The following FNBP1L variants were observed in gnomAD, a reference collection of about 807,000 sequenced individuals.
FNBP1L encodes formin binding protein 1 like.
In FNBP1L, 36 loss-of-function variants were observed where a neutral mutation model predicts 91.2. The ratio of observed to expected loss-of-function variants is 0.39; its 90% CI spans 0.30 to 0.52. The LOEUF is 0.52. Among genes scored for constraint, FNBP1L ranks in the 20% least tolerant of loss-of-function variants. The probability of loss-of-function intolerance (pLI) is 0.66; values close to 1 mark genes in which losing one functional copy is unlikely to be tolerated. For synonymous variants in FNBP1L, 242 were observed against 237.0 expected (o/e 1.02, Z -0.19); for missense variants, 571 against 732.1 (o/e 0.78, Z 2.54).
intron 10 of FNBP1L, 41 bp downstream of exon 10, chr1:93,536,531 T>G: frequency 6.7e-7 from 1 of 1,491,968 alleles, no homozygotes; most frequent in Non-Finnish European, 9.0e-7. Context: ...TGGCCTATTG[T>G]GTGTGTAGTG....
intron 7 of FNBP1L, among the ~76,000 whole-genome samples, chr1:93,532,712 G>A (rs2101760083): frequency 6.6e-6 from 1 of 152,062 alleles, no homozygotes; most frequent in East Asian, 1.9e-4. Context: ...ACAATACTAA[G>A]TGCCTTACTA....
chr1:93,504,579 C>T (rs764552869), intron 2 of FNBP1L, among the ~76,000 whole-genome samples: 16 of 152,184 alleles, frequency 1.1e-4, no homozygotes, highest in African/African-American at 2.2e-4. Context: ...TTCTGTGTCA[C>T]TCTTTTGTCC....
chr1:93,456,164 G>A (rs1271462619), intron 1 of FNBP1L, among the ~76,000 whole-genome samples: 1 of 152,056 alleles, frequency 6.6e-6, no homozygotes, highest in Non-Finnish European at 1.5e-5. Context: ...TCTGTATGGA[G>A]CCCAAGAAAA....
At chr1:93,474,658 C>T (rs1201936558) in intron 1 of FNBP1L, among the ~76,000 whole-genome samples, 4 of 152,130 alleles carry the variant, frequency 2.6e-5, no homozygotes, top group African/African-American at 9.7e-5. Flanking sequence ...AAAAATCCTA[C>T]CCAGGTTATT....
intron 5 of FNBP1L, among the ~76,000 whole-genome samples, chr1:93,525,476 TCAC>T (rs1671463855): frequency 6.6e-6 from 1 of 152,284 alleles, no homozygotes; most frequent in Admixed American, 6.5e-5. Flanking sequence ...CAGCAAGACT[TCAC>T]CAAGTATTTA....
At chr1:93,484,212 C>T (rs930146399) in intron 1 of FNBP1L, among the ~76,000 whole-genome samples, 7 of 152,220 alleles carry the variant, frequency 4.6e-5, no homozygotes, top group Non-Finnish European at 1.0e-4. Flanking sequence ...CAGGCGTGAG[C>T]CACCACGCCT....
At chr1:93,543,977 TAAGGG>T in intron 11 of FNBP1L, 125 bp from the exon 12 acceptor site, 1 of 494,006 alleles carries the variant, frequency 2.0e-6, no homozygotes, top group Non-Finnish European at 3.5e-6. Context: ...CTTTTTTTTT[TAAGGG>T]GTTGCTTGAG....
chr1:93,460,600 G>GA (rs1013056911), intron 1 of FNBP1L, among the ~76,000 whole-genome samples: 30 of 151,938 alleles, frequency 2.0e-4, no homozygotes, highest in African/African-American at 7.2e-4. Context: ...ATGTGTCACA[G>GA]AAAAAAAAGG....
chr1:93,464,597 C>T (rs1247263823), intron 1 of FNBP1L, among the ~76,000 whole-genome samples: 2 of 152,050 alleles, frequency 1.3e-5, no homozygotes, highest in Non-Finnish European at 2.9e-5. Context: ...TTTCCAATTT[C>T]AATCATAATA....
chr1:93,487,363 A>C (rs941333467), intron 1 of FNBP1L, among the ~76,000 whole-genome samples: 1 of 152,188 alleles, frequency 6.6e-6, no homozygotes, highest in African/African-American at 2.4e-5. Context: ...AATCAGTGTA[A>C]GTCAAAGTGT....
chr1:93,487,198 T>TTGG (rs1557787034), intron 1 of FNBP1L, among the ~76,000 whole-genome samples: 3 of 152,228 alleles, frequency 2.0e-5, no homozygotes, highest in Non-Finnish European at 2.9e-5. Flanking sequence ...AATAATACAT[T>TTGG]ATTCATTTGG....
At chr1:93,475,410 G>A (rs541461329) in intron 1 of FNBP1L, among the ~76,000 whole-genome samples, 4 of 151,956 alleles carry the variant, frequency 2.6e-5, no homozygotes, top group Admixed American at 6.6e-5. Context: ...AGGGTGGTGC[G>A]TGCCTGTGGT....
intron 15 of FNBP1L, among the ~76,000 whole-genome samples, chr1:93,549,868 C>A (rs1439101471): frequency 6.6e-6 from 1 of 152,064 alleles, no homozygotes; most frequent in Non-Finnish European, 1.5e-5. Flanking sequence ...TCATCATATA[C>A]TGAGTCCGTA....
intron 1 of FNBP1L, among the ~76,000 whole-genome samples, chr1:93,463,333 G>T (rs371562466): frequency 2.7e-4 from 41 of 152,056 alleles, no homozygotes; most frequent in Non-Finnish European, 4.9e-4. Flanking sequence ...CATTGCTACT[G>T]CTGTATCATT....
At position 93,529,633 on chromosome 1, in the gene FNBP1L, A is replaced by G. The variant is rs762455292; in HGVS notation, c.406-19A>G. The G allele has an allele frequency of 1.2e-5, 16 of 1,376,992 alleles. No individual in the cohort carries two copies. The highest frequency in any genetic ancestry group is 1.5e-5 in the Non-Finnish European group (15 of 1,023,398). The allele number at this position is 1,376,992 out of a possible 1,614,324, so 85.3% of individuals were successfully genotyped here. A position where few individuals can be genotyped will look rare whatever the true frequency, so the allele number is the denominator to read the frequency against. On this transcript the variant is annotated intron_variant, in intron 5 of 16. Transcript: ENST00000271234. ...CCTGATTTTATTTTCTCAGTGTGAT[A>G]TTTTAATTTTTTTAACAGAGTAAAA...
intron 1 of FNBP1L, among the ~76,000 whole-genome samples, chr1:93,449,323 C>T (rs915061892): frequency 2.0e-5 from 3 of 151,924 alleles, no homozygotes; most frequent in Non-Finnish European, 2.9e-5. Context: ...GAACTGGGGG[C>T]GTGGGGGCGC....
chr1:93,458,310 G>C (rs1161096893), intron 1 of FNBP1L, among the ~76,000 whole-genome samples: 1 of 151,992 alleles, frequency 6.6e-6, no homozygotes, highest in Non-Finnish European at 1.5e-5. Flanking sequence ...TTTGTTTTTA[G>C]ATAGAGATGG....
chr1:93,529,853 C>T (rs1671618454), intron 6 of FNBP1L, 97 bp downstream of exon 6: 1 of 708,900 alleles, frequency 1.4e-6, no homozygotes, highest in Non-Finnish European at 2.3e-6. Context: ...TTAGGATTTA[C>T]TTGAGATACA....
At chr1:93,496,751 G>A (rs1343681735) in intron 1 of FNBP1L, among the ~76,000 whole-genome samples, 3 of 151,898 alleles carry the variant, frequency 2.0e-5, no homozygotes, top group Non-Finnish European at 2.9e-5. Flanking sequence ...GGCTGATCTC[G>A]AACTCCTGGC....
Sources: gnomAD v4.1 joint callset for allele counts (sites outside exome capture counted in the v4.1 genomes callset) on GRCh38, gnomAD v4.1.1 for gene constraint, MANE v1.5 for transcripts, NCBI Gene and HGNC (gene_info 2026-07-23, HGNC 2026-07-21) for gene names.